The following GCLC variants were observed in gnomAD, a reference collection of about 807,000 sequenced individuals.
GCLC encodes glutamate--cysteine ligase catalytic subunit.
In GCLC, 30 loss-of-function variants were observed where a neutral mutation model predicts 81.5. That is an observed-to-expected ratio of 0.37 (90% CI 0.28 to 0.50). The LOEUF (loss-of-function observed/expected upper bound fraction) is 0.50, where lower values mean the gene tolerates loss of function less well. GCLC is among the 20% of genes least tolerant of loss of function. The pLI is 0.96. For synonymous variants in GCLC, 262 were observed against 273.3 expected (o/e 0.96, Z 0.41); for missense variants, 556 against 777.4 (o/e 0.72, Z 3.39).
At chr6:53,513,787 C>T (rs978092413) in intron 6 of GCLC, 1 of 208,226 alleles carries the variant, frequency 4.8e-6, no homozygotes, top group African/African-American at 2.4e-5. Flanking sequence ...TTGCACAAAT[C>T]CCTTGGATCA....
chr6:53,540,166 T>A (rs879298009), intron 1 of GCLC, among the ~76,000 whole-genome samples: 1 of 152,184 alleles, frequency 6.6e-6, no homozygotes, highest in Non-Finnish European at 1.5e-5. Context: ...CTATTCCATT[T>A]AATATTTTAA....
Position 53,506,054 on chromosome 6 carries a change from GCT to G in GCLC, c.1198-161_1198-160del. The G allele has an allele frequency of 1.5e-6, 1 of 647,062 alleles. No homozygotes were observed. Among genetic ancestry groups the G allele is most frequent in the Non-Finnish European group, 2.8e-6 (1 of 353,700 alleles). 40.1% of individuals were successfully genotyped at this position (647,062 alleles called of 1,614,324 possible). A position where few individuals can be genotyped will look rare whatever the true frequency, so the allele number is the denominator to read the frequency against. On this transcript the variant is annotated intron_variant, in intron 10 of 15. Transcript: ENST00000650454. This position sits in a 1 kb window ranked among gnomAD's most constrained non-coding sequence, Gnocchi z 4.0. ...ACAATTGAAGATTTTCTTCGAGTGT[GCT>G]CTTTTAGGAAAACAAAACAGCCAAG... is the stretch of plus-strand genomic sequence containing the variant.
At chr6:53,503,930 G>A (rs1035336384) in intron 12 of GCLC, among the ~76,000 whole-genome samples, 2 of 152,026 alleles carry the variant, frequency 1.3e-5, no homozygotes, top group African/African-American at 4.8e-5. Flanking sequence ...TGCTCTACTG[G>A]TGAGAATACT....
In GCLC at chr6:53,522,397, C is replaced by A; in HGVS notation, c.263+18G>T. On this transcript the variant is annotated intron_variant, in intron 2 of 15. Coordinates refer to ENST00000650454, the MANE Select transcript of GCLC (RefSeq NM_001498.4). ...TTTAGCAGTTTCAGAAACACTAAAT[C>A]AGCACATGAGAGCTTACTTTGGGTT... 1 of 1,356,012 alleles carries A rather than the reference C, an allele frequency of 7.4e-7. No homozygotes were observed. Among genetic ancestry groups the A allele is most frequent in the South Asian group, 1.2e-5 (1 of 86,042 alleles). 84.0% of individuals were successfully genotyped at this position (1,356,012 alleles called of 1,614,324 possible).
At chr6:53,507,162 A>G (rs1456935319) in intron 9 of GCLC, 137 bp from the exon 10 acceptor site, 2 of 717,842 alleles carry the variant, frequency 2.8e-6, no homozygotes, top group African/African-American at 3.5e-5. Flanking sequence ...TTTGATTAGT[A>G]TCCTCACCTC....
chr6:53,543,833 T>C (rs1030633311), intron 1 of GCLC, among the ~76,000 whole-genome samples: 12 of 152,170 alleles, frequency 7.9e-5, no homozygotes, highest in African/African-American at 2.9e-4. Flanking sequence ...ACCTAGGCCA[T>C]GGAAAGACAC....
In GCLC at chr6:53,500,489, G is replaced by C; in HGVS notation, c.1420C>G (p.Gln474Glu). 6.2e-7 allele frequency: 1 copy of C among 1,611,062 alleles called. No homozygotes were observed. Among genetic ancestry groups the C allele is most frequent in the South Asian group, 1.1e-5 (1 of 91,010 alleles). ...SKVDENMKVA[Q>E]KRDAVLQGMF... ...CCCTGCAAGACAGCATCTCTTTTCT[G>C]TGCTACCTTCATGTTCTCATCAACC... Residue 474 changes from glutamine to glutamate, a missense_variant, in exon 13 of 16, where the codon CAG (glutamine) becomes GAG (glutamate). Coordinates refer to ENST00000650454, the MANE Select transcript of GCLC (RefSeq NM_001498.4).
intron 1 of GCLC, among the ~76,000 whole-genome samples, chr6:53,534,696 G>C (rs1197168861): frequency 6.6e-6 from 1 of 152,050 alleles, no homozygotes; most frequent in African/African-American, 2.4e-5. Context: ...TGGAGCTGAA[G>C]GTCCGGGGAA....
intron 1 of GCLC, among the ~76,000 whole-genome samples, chr6:53,539,150 A>G (rs1175838756): frequency 6.6e-6 from 1 of 152,212 alleles, no homozygotes; most frequent in Non-Finnish European, 1.5e-5. Context: ...AACAAAACCC[A>G]TATCTGAAAA....
chr6:53,530,240 C>T (rs1189384975), intron 1 of GCLC, among the ~76,000 whole-genome samples: 2 of 152,172 alleles, frequency 1.3e-5, no homozygotes, highest in Non-Finnish European at 2.9e-5. Context: ...TAATGCCATT[C>T]CACCATCATA....
rs3830798 is a variant in GCLC at position 53,544,653 on chromosome 6, CCCTCCT to C, written c.-14_-9del. 80 of 1,550,912 alleles carry C rather than the reference CCCTCCT, an allele frequency of 5.2e-5. No individual in the cohort carries two copies. In the East Asian group the frequency reaches 8.9e-4, roughly 17 times the overall value. ...CTGGGACAGCAGCCCCATGGCCGCC[CCCTCCT>C]CCTCCTCCTCCTCCTCCGGGCTGAC... On this transcript the variant is annotated 5_prime_UTR_variant, in exon 1 of 16. Transcript: ENST00000650454.
Position 53,498,504 on chromosome 6 carries a change from C to T in GCLC, c.*252G>A, listed in dbSNP as rs201477289. On this transcript the variant is annotated 3_prime_UTR_variant, in exon 16 of 16. Coordinates refer to ENST00000650454, the MANE Select transcript of GCLC (RefSeq NM_001498.4). ...TCCAGAGTAAGAATTTAAAAATGTACAAGCCAGTTCATGATGACTTTAGAT... is the reference window on the plus strand; with the variant it reads ...TCCAGAGTAAGAATTTAAAAATGTATAAGCCAGTTCATGATGACTTTAGAT... 1 of 479,024 alleles carries T rather than the reference C, an allele frequency of 2.1e-6. No individual in the cohort carries two copies. The highest frequency in any genetic ancestry group is 3.8e-6 in the Non-Finnish European group (1 of 265,798). The allele number at this position is 479,024 out of a possible 1,614,324, so 29.7% of individuals were successfully genotyped here.
intron 12 of GCLC, chr6:53,505,161 G>T: frequency 2.1e-6 from 1 of 484,354 alleles, no homozygotes; most frequent in Non-Finnish European, 3.7e-6. Flanking sequence ...TTTTGTGGTG[G>T]ATGAAATCAA....
At chr6:53,521,579 T>C (rs1762995449) in intron 2 of GCLC, among the ~76,000 whole-genome samples, 1 of 152,058 alleles carries the variant, frequency 6.6e-6, no homozygotes, top group Non-Finnish European at 1.5e-5. Flanking sequence ...CCCTCCAAAC[T>C]CAAATGCAGC....
chr6:53,521,186 G>A (rs1289075412), intron 2 of GCLC, among the ~76,000 whole-genome samples: 2 of 151,938 alleles, frequency 1.3e-5, no homozygotes, highest in South Asian at 2.1e-4. Flanking sequence ...ACAGAGTCTC[G>A]CTCTGTCACC....
chr6:53,505,926 C>A, intron 10 of GCLC, 31 bp from the exon 11 acceptor site: 1 of 1,205,848 alleles, frequency 8.3e-7, no homozygotes, highest in Admixed American at 1.7e-5. Context: ...AGAAAACCAA[C>A]TTTTCACACA....
At chr6:53,529,097 C>A (rs908749234) in intron 1 of GCLC, among the ~76,000 whole-genome samples, 3 of 152,166 alleles carry the variant, frequency 2.0e-5, no homozygotes, top group African/African-American at 7.2e-5. Context: ...AAATCAGTTT[C>A]CTACTCCCTA....
chr6:53,528,111 G>A (rs994983569), intron 1 of GCLC, among the ~76,000 whole-genome samples: 1 of 152,210 alleles, frequency 6.6e-6, no homozygotes, highest in African/African-American at 2.4e-5. Context: ...AGCACCCAAA[G>A]AGGTGTTAGC....
chr6:53,502,665 G>A (rs1764535130), intron 12 of GCLC, among the ~76,000 whole-genome samples: 1 of 152,204 alleles, frequency 6.6e-6, no homozygotes, highest in African/African-American at 2.4e-5. Context: ...TGCAGCTCTT[G>A]TCGGCATCTG....
Sources: allele counts gnomAD v4.1 joint callset (sites outside exome capture counted in the v4.1 genomes callset), GRCh38; gene constraint gnomAD v4.1.1; non-coding constraint Gnocchi (gnomAD v3.1); transcripts MANE v1.5; gene names NCBI Gene and HGNC (gene_info 2026-07-23, HGNC 2026-07-21).